IRAG2: variants seen among roughly 807,000 people sequenced by gnomAD.
IRAG2 encodes lymphoid restricted membrane protein.
In IRAG2, 45 loss-of-function variants were observed where a neutral mutation model predicts 69.9. The ratio of observed to expected loss-of-function variants is 0.64; its 90% CI spans 0.51 to 0.83. IRAG2 has a LOEUF of 0.83. IRAG2 is among the 40% of genes least tolerant of loss of function. The probability of loss-of-function intolerance (pLI) is 0.00; values close to 1 mark genes in which losing one functional copy is unlikely to be tolerated. For synonymous variants in IRAG2, 193 were observed against 202.4 expected, an observed-to-expected ratio of 0.95 and a Z score of 0.40; for missense variants, 520 against 587.0, an observed-to-expected ratio of 0.89 and a Z score of 1.18.
chr12:25,050,040 G>A (rs1183582339), upstream of IRAG2, among the ~76,000 whole-genome samples: 2 of 148,570 alleles, frequency 1.3e-5, no homozygotes, highest in African/African-American at 2.5e-5. Context: ...GGAGAATGGC[G>A]TTAGCTTGGG....
intron 3 of IRAG2, among the ~76,000 whole-genome samples, chr12:25,013,974 A>T (rs12809498): frequency 0.18 from 25,208 of 138,804 alleles, 2,712 homozygotes; most frequent in South Asian, 0.38. Context: ...TCCAGGGTTC[A>T]TGCCATTCTC....
intron 9 of IRAG2, among the ~76,000 whole-genome samples, chr12:25,083,137 C>T (rs1947337678): frequency 6.6e-6 from 1 of 152,082 alleles, no homozygotes; most frequent in African/African-American, 2.4e-5. Flanking sequence ...TCATGTGTTC[C>T]ATTAAAAAAA....
chr12:25,027,749 G>C (rs542656650), intron 9 of IRAG2, among the ~76,000 whole-genome samples: 3 of 152,022 alleles, frequency 2.0e-5, no homozygotes, highest in Non-Finnish European at 4.4e-5. Flanking sequence ...ATCAAATTTT[G>C]TTTGTTCACT....
rs750403967 is a variant in IRAG2 at position 25,079,416 on chromosome 12, A to G, written c.90A>G (p.Pro30=). 5.6e-6 allele frequency: 9 copies of G among 1,613,868 alleles called. No individual in the cohort carries two copies. The highest frequency in any genetic ancestry group is 4.4e-5 in the South Asian group (4 of 91,074). Residue 30 remains proline (P), a synonymous_variant, in exon 8 of 22, where the codon CCA becomes CCG. Coordinates refer to ENST00000556887, the MANE Select transcript of IRAG2 (RefSeq NM_001366544.2). The part of the protein sequence containing the change: ...LLQSREYSSL[P]LPRHTSSTDG... ...TTGGCAGGGAATATTCCTCACTACCATTACCCAGACACACTTCATCGACAG... is the reference window on the plus strand; with the variant it reads ...TTGGCAGGGAATATTCCTCACTACCGTTACCCAGACACACTTCATCGACAG...
At chr12:25,099,623 A>C (rs534450176) in intron 15 of IRAG2, among the ~76,000 whole-genome samples, 3 of 152,282 alleles carry the variant, frequency 2.0e-5, no homozygotes, top group African/African-American at 7.2e-5. Context: ...TAATCCTTTT[A>C]AAATTAGATT....
chr12:25,045,015 CAA>C (rs1944781974), intron 16 of IRAG2, among the ~76,000 whole-genome samples: 2 of 152,012 alleles, frequency 1.3e-5, no homozygotes, highest in African/African-American at 2.4e-5. Context: ...GGTCACAAAA[CAA>C]AGAGTAACAA....
At chr12:25,003,343 GTCTAATCTAA>G (rs1391245291), upstream of IRAG2, among the ~76,000 whole-genome samples, 2 of 152,030 alleles carry the variant, frequency 1.3e-5, no homozygotes, top group Non-Finnish European at 2.9e-5. Flanking sequence ...AAAAATATCT[GTCTAATCTAA>G]TCTAATCTAA....
intron 6 of IRAG2, among the ~76,000 whole-genome samples, chr12:25,072,799 G>GT (rs1946419572): frequency 6.6e-6 from 1 of 152,136 alleles, no homozygotes. Flanking sequence ...CCCCATTGTT[G>GT]TGTATGGTTG....
upstream of IRAG2, among the ~76,000 whole-genome samples, chr12:25,047,685 A>C (rs4963845): frequency 0.8 from 121,520 of 151,998 alleles, 49,858 homozygotes; most frequent in South Asian, 0.9. Flanking sequence ...TCATTCAGCT[A>C]CCACTCATAA....
chr12:25,086,063 G>C (rs1170865207), intron 10 of IRAG2, among the ~76,000 whole-genome samples: 1 of 152,108 alleles, frequency 6.6e-6, no homozygotes, highest in Admixed American at 6.5e-5. Flanking sequence ...TCTTCTGAGA[G>C]AATAAAATTC....
chr12:25,097,271 T>C (rs1362008824), intron 15 of IRAG2: 8 of 424,176 alleles, frequency 1.9e-5, no homozygotes, highest in East Asian at 4.2e-5. Flanking sequence ...ATTTTTGTGA[T>C]ATATTCTTCA....
intron 9 of IRAG2, among the ~76,000 whole-genome samples, chr12:25,080,554 G>A (rs886455320): frequency 3.3e-5 from 5 of 151,924 alleles, no homozygotes; most frequent in African/African-American, 7.3e-5. Context: ...GAGTTTCACC[G>A]TGTTAGCCAG....
intron 6 of IRAG2, among the ~76,000 whole-genome samples, chr12:25,020,295 A>G (rs1944567584): frequency 6.6e-6 from 1 of 152,216 alleles, no homozygotes; most frequent in Admixed American, 6.5e-5. Flanking sequence ...TCTTTATAGA[A>G]TATGTCATAT....
chr12:25,009,359 C>T (rs149624270), intron 2 of IRAG2, among the ~76,000 whole-genome samples: 233 of 152,262 alleles, frequency 1.5e-3, no homozygotes, highest in African/African-American at 5.5e-3. Context: ...CTGTATTGAA[C>T]ACTTGTAGCA....
intron 6 of IRAG2, among the ~76,000 whole-genome samples, chr12:25,071,899 C>T (rs556948237): frequency 6.6e-6 from 1 of 151,834 alleles, no homozygotes; most frequent in Non-Finnish European, 1.5e-5. Flanking sequence ...CTGTGCTTCA[C>T]ACCCATTAAG....
In IRAG2 at chr12:25,010,646, C is replaced by CTT. The variant is rs150791646; in HGVS notation, c.689-689_689-688dup. Among the ~76,000 whole-genome samples, 5 of 149,844 alleles carry CTT rather than the reference C, an allele frequency of 3.3e-5. No individual in the cohort carries two copies. In the South Asian group the frequency reaches 6.3e-4, roughly 19 times the overall value. On this transcript the variant is annotated intron_variant, in intron 2 of 38. Transcript: ENST00000636465. ...GTATCTCCTCCTTCTAATTAAGAGA[C>CTT]TTTTTTTTTTCTGATGTCATGGTCT...
chr12:25,094,866 T>C (rs1948318006), intron 14 of IRAG2, among the ~76,000 whole-genome samples: 1 of 152,192 alleles, frequency 6.6e-6, no homozygotes, highest in South Asian at 2.1e-4. Flanking sequence ...TCTTAATTTC[T>C]TTTTTGGAAA....
chr12:25,075,521 C>T (rs144909137), intron 6 of IRAG2, among the ~76,000 whole-genome samples: 32 of 139,364 alleles, frequency 2.3e-4, no homozygotes, highest in Middle Eastern at 7.1e-3. Context: ...TGTGTGTATG[C>T]GTGTGTGTGT....
At position 25,103,818 on chromosome 12, in the gene IRAG2, A is replaced by G. The variant is rs764322482; in HGVS notation, c.934-19A>G. On this transcript the variant is annotated intron_variant, in intron 17 of 21. Coordinates refer to ENST00000556887, the MANE Select transcript of IRAG2 (RefSeq NM_001366544.2). Reference sequence around the variant, plus strand: ...ATTATTGAGAGTTTTCTAAATGTACATTTTCCTCCTTCTGGTAGCCATCTT... The same window carrying G: ...ATTATTGAGAGTTTTCTAAATGTACGTTTTCCTCCTTCTGGTAGCCATCTT... 9 of 1,582,032 alleles carry G rather than the reference A, an allele frequency of 5.7e-6. No individual in the cohort carries two copies. Among genetic ancestry groups the G allele is most frequent in the Middle Eastern group, 1.7e-4 (1 of 5,770 alleles).
Sources: gnomAD v4.1 joint callset for allele counts (sites outside exome capture counted in the v4.1 genomes callset) on GRCh38, gnomAD v4.1.1 for gene constraint, MANE v1.5 for transcripts, NCBI Gene and HGNC (gene_info 2026-07-23, HGNC 2026-07-21) for gene names.